The following TENM3 variants were observed in gnomAD, a reference collection of about 807,000 sequenced individuals.
The protein encoded by TENM3 is teneurin transmembrane protein 3, also known as teneurin-3.
A neutral mutation model predicts 255.1 loss-of-function variants in TENM3; 63 were observed. The observed-to-expected ratio is 0.25, with a 90% CI of 0.20 to 0.30. TENM3 has a LOEUF of 0.30. Ranked by LOEUF, TENM3 falls within the 10% of genes least tolerant of loss-of-function variation. TENM3 has a pLI of 1.00. For synonymous variants in TENM3, 1,306 were observed against 1,322.3 expected (o/e 0.99, Z 0.27); for missense variants, 2,929 against 3,461.1 (o/e 0.85, Z 3.86).
the TENM3 span, among the ~76,000 whole-genome samples, chr4:181,833,252 A>G: frequency 1.3e-5 from 2 of 152,208 alleles, no homozygotes; most frequent in African/African-American, 2.4e-5. Context: ...TCAAATCTCA[A>G]GTGAGTTATC....
At chr4:182,672,477 G>A (rs1755303047) in intron 6 of TENM3, among the ~76,000 whole-genome samples, 1 of 152,052 alleles carries the variant, frequency 6.6e-6, no homozygotes. Flanking sequence ...CTATCTCTCT[G>A]CCAACATCTG....
At chr4:182,383,377 A>G (rs914181777) in intron 3 of TENM3, among the ~76,000 whole-genome samples, 1 of 152,168 alleles carries the variant, frequency 6.6e-6, no homozygotes, top group African/African-American at 2.4e-5. Flanking sequence ...GGCCTAGTCA[A>G]ACAGAGCACT....
intron 1 of TENM3, among the ~76,000 whole-genome samples, chr4:182,261,310 A>G (rs1001062986): frequency 1.3e-5 from 2 of 152,210 alleles, no homozygotes; most frequent in African/African-American, 2.4e-5. Flanking sequence ...GAGTATTTTT[A>G]AAACAAAACC....
In TENM3 at chr4:182,545,714, C is replaced by T. The variant is rs537272202; in HGVS notation, c.512-55210C>T. On this transcript the variant is annotated intron_variant, in intron 3 of 27. Transcript: ENST00000511685. The stretch of plus-strand genomic sequence containing the variant: ...ACTGGTATGGCTTCTCTTTCTTTGT[C>T]TTTAGATCTCAGCTTAATATAGCTC... 5.9e-5 allele frequency among the ~76,000 whole-genome samples: 9 copies of T among 152,178 alleles called. No homozygotes were observed. The East Asian group carries it at 1.6e-3, about 26-fold the overall frequency.
At chr4:181,595,446 A>AAAAAAAAAACAG in the TENM3 span, among the ~76,000 whole-genome samples, 1,197 of 144,602 alleles carry the variant, frequency 8.3e-3, 11 homozygotes, top group Non-Finnish European at 0.013. Context: ...AAAAAAAAAA[A>AAAAAAAAAACAG]AAAAAAAACA....
At chr4:181,829,409 G>GGGAT in the TENM3 span, among the ~76,000 whole-genome samples, 1 of 152,170 alleles carries the variant, frequency 6.6e-6, no homozygotes, top group African/African-American at 2.4e-5. Flanking sequence ...TGTGTTAAAG[G>GGGAT]GGATGACCTG....
At chr4:182,444,652 C>T (rs1448770611) in intron 3 of TENM3, among the ~76,000 whole-genome samples, 1 of 152,082 alleles carries the variant, frequency 6.6e-6, no homozygotes, top group Non-Finnish European at 1.5e-5. Context: ...CAGGAGAAAT[C>T]GAGGACTATC....
At chr4:182,619,855 G>C (rs1028606836) in intron 4 of TENM3, among the ~76,000 whole-genome samples, 1 of 152,190 alleles carries the variant, frequency 6.6e-6, no homozygotes, top group South Asian at 2.1e-4. Flanking sequence ...GGCAGGCTCC[G>C]TGCAGGGCAT....
chr4:181,984,789 CGTG>C, the TENM3 span, among the ~76,000 whole-genome samples: 1 of 138,496 alleles, frequency 7.2e-6, no homozygotes, highest in Non-Finnish European at 1.6e-5. Context: ...CTAAAAGAGT[CGTG>C]TGTGTGTGTG....
At position 182,775,070 on chromosome 4, in the gene TENM3, G is replaced by A. The variant is rs373628870; in HGVS notation, c.5221G>A (p.Glu1741Lys). ...VAKRNMTLPGENGQNLVEWRF... is the reference protein window; with the variant it reads ...VAKRNMTLPGKNGQNLVEWRF... The stretch of plus-strand genomic sequence containing the variant: ...CAAAAGAAACATGACTTTGCCTGGC[G>A]AGAACGGTCAAAACTTGGTGGAATG... The change falls in exon 24 of 28, where the codon GAG becomes AAG. Residue 1741 changes from glutamate to lysine, a missense_variant. Physicochemically the swap from Glu to Lys is moderately conservative, Grantham distance 56. Transcript: ENST00000511685. The A allele has an allele frequency of 1.8e-5, 29 of 1,613,892 alleles. No individual in the cohort carries two copies. In the Admixed American group the frequency reaches 3.3e-4, roughly 19 times the overall value.
At chr4:182,157,957 G>T in intron 1 of TENM3, among the ~76,000 whole-genome samples, 1 of 152,228 alleles carries the variant, frequency 6.6e-6, no homozygotes, top group Non-Finnish European at 1.5e-5. Flanking sequence ...AAAATATGTA[G>T]TTCTCTTTGT....
chr4:181,742,320 G>A, the TENM3 span, among the ~76,000 whole-genome samples: 53 of 152,064 alleles, frequency 3.5e-4, no homozygotes, highest in East Asian at 5.8e-4. Flanking sequence ...ATTCTCTCTC[G>A]TCTAAAATAA....
the TENM3 span, among the ~76,000 whole-genome samples, chr4:182,008,318 A>G: frequency 4.6e-5 from 7 of 152,118 alleles, no homozygotes; most frequent in South Asian, 2.1e-4. Flanking sequence ...ATAATATCCT[A>G]TAGTGTGTTT....
intron 3 of TENM3, among the ~76,000 whole-genome samples, chr4:182,553,686 A>G (rs1742301805): frequency 1.3e-5 from 2 of 152,168 alleles, no homozygotes. Flanking sequence ...GCCTCCTCTC[A>G]TTTAGATTTG....
chr4:181,843,315 C>T, the TENM3 span, among the ~76,000 whole-genome samples: 1 of 152,144 alleles, frequency 6.6e-6, no homozygotes, highest in Admixed American at 6.5e-5. Context: ...AATCTCCATG[C>T]CTGGGGACCA....
At chr4:181,817,692 C>A in the TENM3 span, among the ~76,000 whole-genome samples, 1 of 152,226 alleles carries the variant, frequency 6.6e-6, no homozygotes, top group East Asian at 1.9e-4. Flanking sequence ...GGAGCTCATC[C>A]TTTTTTTGCC....
chr4:181,839,234 A>G, the TENM3 span, among the ~76,000 whole-genome samples: 1 of 148,786 alleles, frequency 6.7e-6, no homozygotes, highest in Non-Finnish European at 1.5e-5. Flanking sequence ...AATCTATAGA[A>G]AAGAAGAATA....
At chr4:181,661,027 T>C in the TENM3 span, among the ~76,000 whole-genome samples, 4 of 152,134 alleles carry the variant, frequency 2.6e-5, no homozygotes, top group African/African-American at 9.7e-5. Flanking sequence ...AAATAAGAAA[T>C]CATCTAATAA....
the TENM3 span, among the ~76,000 whole-genome samples, chr4:181,502,499 A>C: frequency 6.6e-6 from 1 of 152,290 alleles, no homozygotes; most frequent in South Asian, 2.1e-4. Flanking sequence ...AGGTTTCCTA[A>C]ATTTCCTTGT....
Sources: gnomAD v4.1 joint callset for allele counts (sites outside exome capture counted in the v4.1 genomes callset) on GRCh38, gnomAD v4.1.1 for gene constraint, MANE v1.5 for transcripts, NCBI Gene and HGNC (gene_info 2026-07-23, HGNC 2026-07-21) for gene names.